TPTE: variants seen among roughly 807,000 people sequenced by gnomAD.
TPTE encodes the protein transmembrane phosphatase with tensin homology.
TPTE carries 59 observed loss-of-function variants against 84.1 expected under a neutral mutation model. The observed-to-expected ratio is 0.70, with a 90% CI of 0.57 to 0.87. The LOEUF (loss-of-function observed/expected upper bound fraction) is 0.87, where lower values mean the gene tolerates loss of function less well. Among genes scored for constraint, TPTE ranks in the 40% least tolerant of loss-of-function variants. The pLI is 0.00. For synonymous variants in TPTE, 130 were observed against 223.5 expected (o/e 0.58, Z 3.73); for missense variants, 382 against 659.6 (o/e 0.58, Z 4.61).
intron 14 of TPTE, among the ~76,000 whole-genome samples, chr21:10,575,289 C>T (rs2075128081): frequency 6.6e-6 from 1 of 152,310 alleles, no homozygotes; most frequent in African/African-American, 2.4e-5. Context: ...ATCAATTCCT[C>T]CTCACTGGGC....
At chr21:10,552,991 T>G (rs1183091861) in intron 8 of TPTE, among the ~76,000 whole-genome samples, 1 of 152,286 alleles carries the variant, frequency 6.6e-6, no homozygotes, top group Admixed American at 6.5e-5. Context: ...AAGTTTTTTT[T>G]AAAAAAACAG....
In TPTE at chr21:10,592,301, GTAT is replaced by G; in HGVS notation, c.1103_1105del (p.Tyr368del). 1 of 1,613,212 alleles carries G rather than the reference GTAT, an allele frequency of 6.2e-7. No individual in the cohort carries two copies. Among genetic ancestry groups the G allele is most frequent in the African/African-American group, 1.3e-5 (1 of 74,942 alleles). ...TGTACCCTTTTTTGTAGGAAAGCCTGTATTATTTTGGAGAAAGGCGAACAGATA... is the reference window on the plus strand; with the variant it reads ...TGTACCCTTTTTTGTAGGAAAGCCTGTATTTTGGAGAAAGGCGAACAGATA... On this transcript the variant is annotated inframe_deletion, in exon 19 of 24. Coordinates refer to ENST00000618007, the MANE Select transcript of TPTE (RefSeq NM_199261.4).
intron 1 of TPTE, among the ~76,000 whole-genome samples, chr21:10,523,546 C>T (rs34361445): frequency 6.6e-6 from 1 of 152,094 alleles, no homozygotes; most frequent in Non-Finnish European, 1.5e-5. Flanking sequence ...TGAGAATATG[C>T]AGTGTTTGGT....
chr21:10,547,196 A>T (rs543114328), intron 7 of TPTE, among the ~76,000 whole-genome samples: 2 of 152,312 alleles, frequency 1.3e-5, no homozygotes, highest in Non-Finnish European at 2.9e-5. Flanking sequence ...ATGGGTGACT[A>T]GAGATGTCTG....
chr21:10,522,152 C>G (rs1402471133), intron 1 of TPTE, among the ~76,000 whole-genome samples: 58 of 152,346 alleles, frequency 3.8e-4, no homozygotes, highest in Non-Finnish European at 6.8e-4. Flanking sequence ...TTGTCCCCCC[C>G]CAGGATGACC....
chr21:10,560,713 A>G (rs1269206449), intron 9 of TPTE, among the ~76,000 whole-genome samples: 1 of 152,300 alleles, frequency 6.6e-6, no homozygotes, highest in African/African-American at 2.4e-5. Flanking sequence ...AAATTTTAAG[A>G]AGAGTTTGTA....
intron 14 of TPTE, among the ~76,000 whole-genome samples, chr21:10,574,847 A>C (rs2075119542): frequency 6.6e-6 from 1 of 152,298 alleles, no homozygotes; most frequent in South Asian, 2.1e-4. Flanking sequence ...TGATACACAG[A>C]CCTGTATGGA....
rs1385188138 is a variant in TPTE, at chr21:10,542,385, C to T, written c.66-10C>T. Reference sequence around the variant, plus strand: ...CTCCTCTCTGACTGTTTTCTCTTATCATCCACTAGTCCACAGACAAGTGAA... The same window carrying T: ...CTCCTCTCTGACTGTTTTCTCTTATTATCCACTAGTCCACAGACAAGTGAA... On this transcript the variant is annotated splice_polypyrimidine_tract_variant and intron_variant, in intron 5 of 23. Transcript: ENST00000618007. 2 of 1,610,662 alleles carry T rather than the reference C, an allele frequency of 1.2e-6. No homozygotes were observed. Among genetic ancestry groups the T allele is most frequent in the South Asian group, 2.2e-5 (2 of 91,060 alleles).
intron 10 of TPTE, among the ~76,000 whole-genome samples, chr21:10,566,205 T>G (rs1309600318): frequency 5.9e-5 from 9 of 152,310 alleles, no homozygotes; most frequent in African/African-American, 2.2e-4. Context: ...AAGATTTGAA[T>G]AGGCATTTCT....
At chr21:10,571,965 A>C (rs1160483977) in intron 14 of TPTE, among the ~76,000 whole-genome samples, 1 of 152,130 alleles carries the variant, frequency 6.6e-6, no homozygotes, top group South Asian at 2.1e-4. Flanking sequence ...AGATTGTGCC[A>C]CTGCACTCCA....
chr21:10,585,241 C>CAAAAAAAAAAAA (rs61644136), intron 17 of TPTE, among the ~76,000 whole-genome samples: 5 of 144,196 alleles, frequency 3.5e-5, no homozygotes, highest in Non-Finnish European at 4.6e-5. Flanking sequence ...AAAAATGAAA[C>CAAAAAAAAAAAA]AAAAAAAAAA....
At chr21:10,603,083 C>A (rs1978777929) in intron 22 of TPTE, among the ~76,000 whole-genome samples, 1 of 152,296 alleles carries the variant, frequency 6.6e-6, no homozygotes, top group African/African-American at 2.4e-5. Context: ...AGGCAGATAT[C>A]AGGATCAGTC....
At chr21:10,589,232 G>A (rs1390270519) in intron 17 of TPTE, among the ~76,000 whole-genome samples, 1 of 152,276 alleles carries the variant, frequency 6.6e-6, no homozygotes, top group Non-Finnish European at 1.5e-5. Flanking sequence ...GGGTGTGACT[G>A]TAGAGCATGC....
intron 8 of TPTE, among the ~76,000 whole-genome samples, chr21:10,557,161 G>A (rs1444015968): frequency 2.0e-5 from 3 of 152,308 alleles, no homozygotes; most frequent in Admixed American, 6.5e-5. Flanking sequence ...TTGAGTAATT[G>A]TTTTTAGGAA....
chr21:10,537,269 C>T (rs1358144404), intron 3 of TPTE, among the ~76,000 whole-genome samples: 2 of 152,306 alleles, frequency 1.3e-5, no homozygotes, highest in Admixed American at 1.3e-4. Flanking sequence ...AAAGTGAAGT[C>T]CAGAATGTCA....
At chr21:10,535,936 A>T (rs1224940934) in intron 3 of TPTE, among the ~76,000 whole-genome samples, 1 of 152,310 alleles carries the variant, frequency 6.6e-6, no homozygotes, top group African/African-American at 2.4e-5. Flanking sequence ...TCAAGAATTT[A>T]GATGGGGTAA....
intron 17 of TPTE, among the ~76,000 whole-genome samples, chr21:10,584,258 T>G (rs561910878): frequency 9.2e-5 from 14 of 152,394 alleles, no homozygotes; most frequent in Admixed American, 5.2e-4. Flanking sequence ...AAAATGTTTA[T>G]TTTCTAAATG....
chr21:10,551,068 A>G (rs2074563035), intron 7 of TPTE, among the ~76,000 whole-genome samples: 1 of 152,310 alleles, frequency 6.6e-6, no homozygotes, highest in African/African-American at 2.4e-5. Context: ...AACTAGAAAC[A>G]CAATATACCA....
intron 3 of TPTE, among the ~76,000 whole-genome samples, chr21:10,528,199 C>CAA (rs2074114018): frequency 3.8e-3 from 88 of 23,248 alleles, no homozygotes; most frequent in Non-Finnish European, 6.1e-3. Flanking sequence ...CCAATTTGAA[C>CAA]CAAAAAAAAA....
Sources: allele counts gnomAD v4.1 joint callset (sites outside exome capture counted in the v4.1 genomes callset), GRCh38; gene constraint gnomAD v4.1.1; transcripts MANE v1.5; gene names NCBI Gene and HGNC (gene_info 2026-07-23, HGNC 2026-07-21).